FRMD4A: variants seen among roughly 807,000 people sequenced by gnomAD.
FRMD4A encodes the protein FERM domain containing 4A.
In FRMD4A, 29 loss-of-function variants were observed where a neutral mutation model predicts 129.1. That is an observed-to-expected ratio of 0.22 (90% confidence interval 0.17 to 0.31). The LOEUF (loss-of-function observed/expected upper bound fraction) is 0.31, where lower values mean the gene tolerates loss of function less well. FRMD4A is among the 10% of genes least tolerant of loss of function. FRMD4A has a pLI of 1.00. For missense variants in FRMD4A, 1,272 were observed against 1,375.8 expected (o/e 0.92, Z 1.19); for synonymous variants, 634 against 571.6 (o/e 1.11, Z -1.56).
chr10:14,214,092 G>A (rs1564391954), intron 2 of FRMD4A, among the ~76,000 whole-genome samples: 2 of 152,224 alleles, frequency 1.3e-5, no homozygotes, highest in Non-Finnish European at 2.9e-5. Flanking sequence ...CTTCTGCCAT[G>A]ACTGTGAGGC....
At chr10:13,775,119 A>C (rs1270722683) in intron 6 of FRMD4A, among the ~76,000 whole-genome samples, 4 of 152,208 alleles carry the variant, frequency 2.6e-5, no homozygotes, top group Non-Finnish European at 5.9e-5. Flanking sequence ...GCATTTGATA[A>C]ATAGGAATTC....
intron 2 of FRMD4A, among the ~76,000 whole-genome samples, chr10:14,217,292 T>C (rs921528138): frequency 2.0e-5 from 3 of 152,156 alleles, no homozygotes; most frequent in African/African-American, 7.2e-5. Flanking sequence ...TCATCTTGAA[T>C]TGTAGCTCCC....
intron 3 of FRMD4A, among the ~76,000 whole-genome samples, chr10:13,834,662 G>A (rs2130951838): frequency 6.6e-6 from 1 of 152,344 alleles, no homozygotes; most frequent in South Asian, 2.1e-4. Context: ...CTGGTCCAGA[G>A]AGTCATCTTC....
intron 2 of FRMD4A, among the ~76,000 whole-genome samples, chr10:13,906,699 T>C (rs2094885649): frequency 1.3e-5 from 2 of 152,174 alleles, no homozygotes; most frequent in African/African-American, 4.8e-5. Flanking sequence ...AATTACATCT[T>C]GTAAGTTAAT....
rs554931588 is a variant in FRMD4A, at chr10:13,801,020, A to G, written c.207-4432T>C. Among the ~76,000 whole-genome samples the G allele has an allele frequency of 1.1e-3, 161 of 152,332 alleles. 4 individuals are homozygous for G. The highest frequency in any genetic ancestry group is 3.5e-3 in the African/African-American group (147 of 41,578). On this transcript the variant is annotated intron_variant, in intron 4 of 24. Transcript: ENST00000357447. Reference sequence around the variant, plus strand: ...TCCCAGCACTTTGGGAGGCCATGGCAGGTGGATCACGAGGTCAGGAGATCG... The same window carrying G: ...TCCCAGCACTTTGGGAGGCCATGGCGGGTGGATCACGAGGTCAGGAGATCG...
intron 2 of FRMD4A, among the ~76,000 whole-genome samples, chr10:14,313,848 T>C (rs1390968581): frequency 6.6e-6 from 1 of 152,250 alleles, no homozygotes; most frequent in Non-Finnish European, 1.5e-5. Flanking sequence ...GAAGATTCTT[T>C]TGGTTGTCTG....
At chr10:13,994,324 C>T (rs955760958) in intron 2 of FRMD4A, among the ~76,000 whole-genome samples, 1 of 151,792 alleles carries the variant, frequency 6.6e-6, no homozygotes, top group African/African-American at 2.4e-5. Context: ...GGACTACAGG[C>T]GTGCCCCACC....
intron 2 of FRMD4A, among the ~76,000 whole-genome samples, chr10:14,325,022 G>C (rs1843214731): frequency 6.6e-6 from 1 of 152,140 alleles, no homozygotes; most frequent in South Asian, 2.1e-4. Context: ...GACTTCTCTG[G>C]ACCCCAACTT....
intron 21 of FRMD4A, 128 bp downstream of exon 21, chr10:13,659,195 C>A: frequency 1.1e-6 from 1 of 876,776 alleles, no homozygotes; most frequent in Non-Finnish European, 1.9e-6. Context: ...TTTTTTATTC[C>A]GCTTCATTTA....
chr10:13,973,717 C>T (rs1019268164), intron 2 of FRMD4A, among the ~76,000 whole-genome samples: 10 of 137,428 alleles, frequency 7.3e-5, no homozygotes, highest in African/African-American at 2.1e-4. Flanking sequence ...GAAGGTAGGA[C>T]GATAGGAAGA....
At chr10:14,035,429 C>CAA (rs11289297) in intron 2 of FRMD4A, among the ~76,000 whole-genome samples, 82 of 127,018 alleles carry the variant, frequency 6.5e-4, no homozygotes, top group South Asian at 1.2e-3. Flanking sequence ...AACAAATAAA[C>CAA]AAAAAAAAAA....
intron 24 of FRMD4A, chr10:13,649,242 T>C (rs372579741): frequency 3.9e-5 from 6 of 152,332 alleles, no homozygotes; most frequent in East Asian, 1.9e-4. Context: ...TATGTATTGA[T>C]CATAAAGGCT....
chr10:13,875,062 A>T (rs944097085), intron 2 of FRMD4A, among the ~76,000 whole-genome samples: 7 of 152,210 alleles, frequency 4.6e-5, no homozygotes, highest in African/African-American at 1.7e-4. Context: ...ACACAGCAAC[A>T]TGAGGTAAGA....
intron 2 of FRMD4A, among the ~76,000 whole-genome samples, chr10:14,281,022 C>A (rs1022909845): frequency 5.3e-5 from 4 of 76,074 alleles, no homozygotes; most frequent in African/African-American, 2.3e-4. Flanking sequence ...AACGGAGTTT[C>A]GATCTTGTTG....
chr10:13,745,149 G>A (rs2091224032), intron 9 of FRMD4A, among the ~76,000 whole-genome samples: 1 of 152,178 alleles, frequency 6.6e-6, no homozygotes. Flanking sequence ...TGCACATTAT[G>A]TACAGATATC....
chr10:13,874,937 G>A (rs1261603546), intron 2 of FRMD4A, among the ~76,000 whole-genome samples: 1 of 152,166 alleles, frequency 6.6e-6, no homozygotes, highest in Non-Finnish European at 1.5e-5. Flanking sequence ...GTTGCAGAGT[G>A]ATCAGTGTGA....
At chr10:13,737,792 G>T in intron 12 of FRMD4A, 52 bp downstream of exon 12, 2 of 983,938 alleles carry the variant, frequency 2.0e-6, no homozygotes, top group Admixed American at 1.7e-5. Context: ...TCCTACGCCT[G>T]TTCCTCTCTG....
intron 5 of FRMD4A, among the ~76,000 whole-genome samples, chr10:13,792,034 G>T (rs1235058045): frequency 6.6e-6 from 1 of 152,146 alleles, no homozygotes; most frequent in African/African-American, 2.4e-5. Context: ...TCCTCCTCCA[G>T]TGTGGTATTT....
intron 2 of FRMD4A, among the ~76,000 whole-genome samples, chr10:14,303,123 T>C (rs1334705643): frequency 6.6e-6 from 1 of 152,194 alleles, no homozygotes; most frequent in Admixed American, 6.5e-5. Flanking sequence ...AAAACGCCGA[T>C]GCTCACATTC....
Sources: gnomAD v4.1 joint callset for allele counts (sites outside exome capture counted in the v4.1 genomes callset) on GRCh38, gnomAD v4.1.1 for gene constraint, MANE v1.5 for transcripts, NCBI Gene and HGNC (gene_info 2026-07-23, HGNC 2026-07-21) for gene names.